PTPRD: variants seen among roughly 807,000 people sequenced by gnomAD.
PTPRD encodes the protein receptor-type tyrosine-protein phosphatase delta.
Under a neutral mutation model 214.5 loss-of-function variants are expected in PTPRD, and 34 were observed. That is an observed-to-expected ratio of 0.16 (90% CI 0.12 to 0.21). PTPRD has a LOEUF of 0.21. PTPRD is among the 10% of genes least tolerant of loss of function. The pLI is 1.00. For missense variants in PTPRD, 2,545 were observed against 2,398.7 expected (o/e 1.06, Z -1.27); for synonymous variants, 1,128 against 845.7 (o/e 1.33, Z -5.79).
intron 9 of PTPRD, among the ~76,000 whole-genome samples, chr9:9,371,938 A>G (rs1048453451): frequency 6.6e-6 from 1 of 152,144 alleles, no homozygotes; most frequent in African/African-American, 2.4e-5. Flanking sequence ...TGAGTTTCTT[A>G]ATCCTGAGTT....
chr9:8,719,934 T>C (rs923814828), intron 12 of PTPRD, among the ~76,000 whole-genome samples: 3 of 152,198 alleles, frequency 2.0e-5, no homozygotes, highest in Non-Finnish European at 4.4e-5. Context: ...CAGAGGAAAC[T>C]GCAGGTCTAA....
At chr9:9,543,805 G>T (rs904616520) in intron 8 of PTPRD, among the ~76,000 whole-genome samples, 5 of 151,548 alleles carry the variant, frequency 3.3e-5, no homozygotes, top group South Asian at 2.1e-4. Context: ...TTTCTAAAAG[G>T]TTATTAAAAC....
At chr9:8,474,814 C>A (rs568173851) in intron 30 of PTPRD, among the ~76,000 whole-genome samples, 1 of 152,210 alleles carries the variant, frequency 6.6e-6, no homozygotes, top group Non-Finnish European at 1.5e-5. Flanking sequence ...GATCTGTAAA[C>A]AAACCACACA....
At chr9:8,611,875 T>C (rs889327598) in intron 14 of PTPRD, among the ~76,000 whole-genome samples, 14 of 139,994 alleles carry the variant, frequency 1.0e-4, no homozygotes, top group African/African-American at 1.9e-4. Context: ...TCCAGAAAGA[T>C]GATGTTTCAA....
chr9:9,036,360 C>A (rs2099621879), intron 10 of PTPRD, among the ~76,000 whole-genome samples: 1 of 151,900 alleles, frequency 6.6e-6, no homozygotes, highest in Admixed American at 6.6e-5. Context: ...AGTGAAGACA[C>A]TGAGACAAAA....
At chr9:10,436,402 C>A (rs922129813) in intron 2 of PTPRD, among the ~76,000 whole-genome samples, 10 of 151,636 alleles carry the variant, frequency 6.6e-5, no homozygotes, top group African/African-American at 1.9e-4. Context: ...AAGTTCATAT[C>A]ATATTGTATA....
At chr9:8,376,840 C>CT (rs2083400122) in intron 37 of PTPRD, 114 bp from the exon 38 acceptor site, 2 of 1,384,592 alleles carry the variant, frequency 1.4e-6, no homozygotes, top group African/African-American at 2.9e-5. Context: ...TTATGTTGAT[C>CT]TTTTTCTGGC....
At chr9:8,630,025 A>G (rs1271589158) in intron 14 of PTPRD, among the ~76,000 whole-genome samples, 1 of 151,788 alleles carries the variant, frequency 6.6e-6, no homozygotes. Context: ...TTAACCATAC[A>G]GGTCAGATAT....
chr9:10,004,745 T>G (rs990952043), intron 4 of PTPRD, among the ~76,000 whole-genome samples: 1 of 152,088 alleles, frequency 6.6e-6, no homozygotes, highest in Admixed American at 6.6e-5. Context: ...AAATCAATGG[T>G]TCCCAAGTAC....
intron 6 of PTPRD, among the ~76,000 whole-genome samples, chr9:9,756,821 C>T (rs2098589301): frequency 6.6e-6 from 1 of 152,124 alleles, no homozygotes; most frequent in East Asian, 1.9e-4. Context: ...AATACTGCCT[C>T]CCATGTGGTT....
At chr9:10,225,904 T>C (rs907432655) in intron 3 of PTPRD, among the ~76,000 whole-genome samples, 6 of 151,996 alleles carry the variant, frequency 3.9e-5, no homozygotes, top group African/African-American at 1.2e-4. Flanking sequence ...AGTAAAGAAA[T>C]GGGGCTTGAG....
chr9:8,741,178 T>G (rs1032061940), intron 11 of PTPRD, among the ~76,000 whole-genome samples: 1 of 151,934 alleles, frequency 6.6e-6, no homozygotes, highest in African/African-American at 2.4e-5. Context: ...AAGAAAAAAA[T>G]GAGGTATGCC....
chr9:9,918,478 T>A (rs1469855054), intron 5 of PTPRD, among the ~76,000 whole-genome samples: 1 of 151,582 alleles, frequency 6.6e-6, no homozygotes, highest in African/African-American at 2.4e-5. Flanking sequence ...ATCACAAAAC[T>A]ATCCAAAGCA....
intron 2 of PTPRD, among the ~76,000 whole-genome samples, chr9:10,504,551 T>A (rs974264644): frequency 1.3e-5 from 2 of 152,166 alleles, no homozygotes; most frequent in African/African-American, 4.8e-5. Context: ...CCATATCAAT[T>A]CAGAGTGTAA....
chr9:10,449,721 AGCCACC>A (rs2098826744), intron 2 of PTPRD, among the ~76,000 whole-genome samples: 1 of 139,688 alleles, frequency 7.2e-6, no homozygotes. Flanking sequence ...TCTGCCCGGC[AGCCACC>A]CCATCTGGGA....
intron 11 of PTPRD, among the ~76,000 whole-genome samples, chr9:8,741,189 G>C (rs979864241): frequency 6.6e-6 from 1 of 151,410 alleles, no homozygotes; most frequent in Non-Finnish European, 1.5e-5. Flanking sequence ...GAGGTATGCC[G>C]TGAGAAATGA....
At chr9:8,846,673 G>A (rs2097703037) in intron 11 of PTPRD, among the ~76,000 whole-genome samples, 1 of 152,182 alleles carries the variant, frequency 6.6e-6, no homozygotes. Flanking sequence ...AAGAGTCAAT[G>A]TGGTACATCT....
chr9:8,397,219 C>T (rs1256801846), intron 36 of PTPRD, among the ~76,000 whole-genome samples: 2 of 151,960 alleles, frequency 1.3e-5, no homozygotes, highest in East Asian at 3.9e-4. Context: ...CATGAGGTGC[C>T]AACAAACTAT....
At chr9:8,581,686 G>T (rs1217924588) in intron 14 of PTPRD, among the ~76,000 whole-genome samples, 1 of 151,902 alleles carries the variant, frequency 6.6e-6, no homozygotes, top group East Asian at 1.9e-4. Flanking sequence ...GGCAAAGCTT[G>T]CAGTGAGCCG....
Sources: gnomAD v4.1 joint callset for allele counts (sites outside exome capture counted in the v4.1 genomes callset) on GRCh38, gnomAD v4.1.1 for gene constraint, MANE v1.5 for transcripts, NCBI Gene and HGNC (gene_info 2026-07-23, HGNC 2026-07-21) for gene names.